The following AFF3 variants were observed in gnomAD, a reference collection of about 807,000 sequenced individuals.
AFF3 encodes the protein ALF transcription elongation factor 3.
AFF3 carries 32 observed loss-of-function variants against 129.7 expected under a neutral mutation model. The ratio of observed to expected loss-of-function variants is 0.25; its 90% CI spans 0.19 to 0.33. The LOEUF (loss-of-function observed/expected upper bound fraction) is 0.33, where lower values mean the gene tolerates loss of function less well. Ranked by LOEUF, AFF3 falls within the 10% of genes least tolerant of loss-of-function variation. AFF3 has a pLI of 1.00. For missense variants in AFF3, 1,373 were observed against 1,592.0 expected, an observed-to-expected ratio of 0.86 and a Z score of 2.34; for synonymous variants, 644 against 635.4, an observed-to-expected ratio of 1.01 and a Z score of -0.20.
intron 7 of AFF3, among the ~76,000 whole-genome samples, chr2:99,889,430 T>C (rs1693372677): frequency 6.6e-6 from 1 of 152,232 alleles, no homozygotes; most frequent in African/African-American, 2.4e-5. Flanking sequence ...TGCCATTGTT[T>C]TTGAATCATG....
chr2:100,040,133 C>T (rs1032394498), intron 4 of AFF3, among the ~76,000 whole-genome samples: 2 of 152,142 alleles, frequency 1.3e-5, no homozygotes, highest in African/African-American at 4.8e-5. Flanking sequence ...ATACCTTTGC[C>T]CCCTTTTCAC....
intron 1 of AFF3, among the ~76,000 whole-genome samples, chr2:100,134,719 T>C (rs1427836686): frequency 6.6e-6 from 1 of 152,226 alleles, no homozygotes; most frequent in African/African-American, 2.4e-5. Context: ...CCCATAGCAG[T>C]TAGACAGCGT....
intron 7 of AFF3, among the ~76,000 whole-genome samples, chr2:99,930,081 C>T (rs1006288396): frequency 7.9e-5 from 12 of 152,118 alleles, no homozygotes; most frequent in Non-Finnish European, 1.5e-4. Flanking sequence ...AACACTGATT[C>T]TGGGCTAAGA....
chr2:100,008,877 G>C lies in AFF3; in HGVS notation c.109C>G (p.Gln37Glu). ...LRRKERERRN[Q>E]ETQQDDGTFN... ...GTGCCATCATCCTGTTGAGTTTCTT[G>C]ATTTCTTCTTTCTCGTTCTTTCCTC... The change falls in exon 5 of 25, where the codon CAA becomes GAA. Residue 37 changes from glutamine (Q) to glutamate (E), a missense_variant. Around this residue, in one of 9 missense-constraint regions of AFF3, gnomAD observed 255 missense variants for 256.0 expected, o/e 1.00. Coordinates refer to ENST00000672756, the MANE Select transcript of AFF3 (RefSeq NM_001386135.1). 1 of 1,613,952 alleles carries C rather than the reference G, an allele frequency of 6.2e-7. No individual in the cohort carries two copies. The highest frequency in any genetic ancestry group is 2.2e-5 in the East Asian group (1 of 44,870).
chr2:99,752,165 A>G, intron 9 of AFF3, 56 bp downstream of exon 9: 3 of 1,466,264 alleles, frequency 2.0e-6, no homozygotes, highest in Non-Finnish European at 2.9e-6. Flanking sequence ...CCCACTGCCC[A>G]CTAGAAATGC....
intron 4 of AFF3, among the ~76,000 whole-genome samples, chr2:100,092,415 C>A (rs1383589363): frequency 6.6e-6 from 1 of 152,172 alleles, no homozygotes; most frequent in Non-Finnish European, 1.5e-5. Flanking sequence ...TCAGACATGG[C>A]CTCTCACAAC....
chr2:99,870,512 C>T (rs765619458), intron 7 of AFF3, among the ~76,000 whole-genome samples: 40 of 152,234 alleles, frequency 2.6e-4, no homozygotes, highest in Non-Finnish European at 4.9e-4. Flanking sequence ...TGCACCAGCC[C>T]TGCTGGATCT....
chr2:100,056,693 A>G (rs954425613), intron 4 of AFF3, among the ~76,000 whole-genome samples: 11 of 152,180 alleles, frequency 7.2e-5, no homozygotes, highest in African/African-American at 2.7e-4. Context: ...ATAGAAGTTG[A>G]GCAGTTCTGT....
intron 11 of AFF3, among the ~76,000 whole-genome samples, chr2:99,706,680 C>T (rs1677425109): frequency 6.6e-6 from 1 of 152,162 alleles, no homozygotes; most frequent in Non-Finnish European, 1.5e-5. Flanking sequence ...AAAATATTAT[C>T]AGGCAGACCC....
chr2:100,026,265 G>A (rs1011660212), intron 4 of AFF3, among the ~76,000 whole-genome samples: 1 of 152,126 alleles, frequency 6.6e-6, no homozygotes, highest in Non-Finnish European at 1.5e-5. Flanking sequence ...CTCAAAAGAT[G>A]TTATACAAAT....
chr2:99,867,029 TA>T (rs1389967995), intron 7 of AFF3, among the ~76,000 whole-genome samples: 2 of 145,398 alleles, frequency 1.4e-5, no homozygotes, highest in South Asian at 2.2e-4. Flanking sequence ...AAATAAAAAA[TA>T]AAAAAAACAA....
intron 8 of AFF3, among the ~76,000 whole-genome samples, chr2:99,828,627 G>A (rs1285891429): frequency 1.3e-5 from 2 of 152,234 alleles, no homozygotes; most frequent in Non-Finnish European, 2.9e-5. Context: ...AACCAGCAAG[G>A]CTTTTGGGGA....
At chr2:99,636,036 AAT>A (rs1165051674) in intron 13 of AFF3, among the ~76,000 whole-genome samples, 1 of 152,194 alleles carries the variant, frequency 6.6e-6, no homozygotes, top group Non-Finnish European at 1.5e-5. Context: ...AATTCCATTA[AAT>A]AGTTTAGTGG....
intron 4 of AFF3, among the ~76,000 whole-genome samples, chr2:100,083,694 T>C (rs1689200903): frequency 6.6e-6 from 1 of 152,130 alleles, no homozygotes; most frequent in African/African-American, 2.4e-5. Flanking sequence ...CTGTAGGCTG[T>C]CTTCTCAGGA....
chr2:99,792,102 CAACTT>C (rs1400345828), intron 8 of AFF3, among the ~76,000 whole-genome samples: 2 of 152,104 alleles, frequency 1.3e-5, no homozygotes, highest in Non-Finnish European at 1.5e-5. Context: ...AGGCTCACAG[CAACTT>C]AACTTTGCAT....
chr2:99,958,823 A>C (rs1459896733), intron 7 of AFF3, among the ~76,000 whole-genome samples: 2 of 151,930 alleles, frequency 1.3e-5, no homozygotes, highest in African/African-American at 2.4e-5. Context: ...GAATAAGAAC[A>C]TTATCAAGGC....
chr2:99,659,142 G>C (rs879442857), intron 12 of AFF3, among the ~76,000 whole-genome samples: 18 of 152,184 alleles, frequency 1.2e-4, no homozygotes, highest in Admixed American at 3.3e-4. Flanking sequence ...AGCGAACATC[G>C]CTGAAGATTC....
chr2:100,085,579 C>A (rs1689356626), intron 4 of AFF3, among the ~76,000 whole-genome samples: 1 of 147,738 alleles, frequency 6.8e-6, no homozygotes, highest in Non-Finnish European at 1.5e-5. Flanking sequence ...GTCCCTACCC[C>A]AGGCACTCTG....
chr2:100,140,219 A>G (rs1692804251), intron 1 of AFF3, among the ~76,000 whole-genome samples: 3 of 152,218 alleles, frequency 2.0e-5, no homozygotes, highest in Admixed American at 1.3e-4. Context: ...GTGGAAGTGC[A>G]GAAGATAAAA....
Sources: allele counts gnomAD v4.1 joint callset (sites outside exome capture counted in the v4.1 genomes callset), GRCh38; gene constraint gnomAD v4.1.1; regional missense constraint gnomAD v4.1.1; transcripts MANE v1.5; gene names NCBI Gene and HGNC (gene_info 2026-07-23, HGNC 2026-07-21).